KCTD6: variants seen among roughly 807,000 people sequenced by gnomAD.
The protein encoded by KCTD6 is potassium channel tetramerization domain containing 6, also known as BTB/POZ domain-containing protein KCTD6.
A neutral mutation model predicts 18.7 loss-of-function variants in KCTD6; 6 were observed. That is an observed-to-expected ratio of 0.32 (90% CI 0.18 to 0.63). The LOEUF (loss-of-function observed/expected upper bound fraction) is 0.63, where lower values mean the gene tolerates loss of function less well. Ranked by LOEUF, KCTD6 falls within the 30% of genes least tolerant of loss-of-function variation. The probability of loss-of-function intolerance (pLI) is 0.79; values close to 1 mark genes in which losing one functional copy is unlikely to be tolerated. For synonymous variants in KCTD6, 86 were observed against 108.5 expected (o/e 0.79, Z 1.29); for missense variants, 165 against 300.2 (o/e 0.55, Z 3.33).
At position 58,501,386 on chromosome 3, in the gene KCTD6, C is replaced by T; in HGVS notation, c.468C>T (p.Ile156=). ...TTKVHSLLEG[I]SNYFTKWNKH... is the part of the protein sequence containing the mutation. The stretch of plus-strand genomic sequence containing the variant: ...AGGTCCATTCCTTACTAGAAGGCAT[C>T]TCAAATTATTTTACCAAGTGGAATA... Residue 156 remains isoleucine, a synonymous_variant, in exon 3 of 3, where the codon ATC becomes ATT. Coordinates refer to ENST00000404589, the MANE Select transcript of KCTD6 (RefSeq NM_001128214.2). The surrounding 1 kb of genome is among the most constrained non-coding windows in gnomAD (Gnocchi z 9.7). The T allele has an allele frequency of 1.3e-6, 2 of 1,582,838 alleles. No individual in the cohort carries two copies. The highest frequency in any genetic ancestry group is 1.7e-6 in the Non-Finnish European group (2 of 1,167,542).
chr3:58,501,407 G>T lies in KCTD6; in HGVS notation c.489G>T (p.Trp163Cys). 1 of 1,576,238 alleles carries T rather than the reference G, an allele frequency of 6.3e-7. No individual in the cohort carries two copies. Among genetic ancestry groups the T allele is most frequent in the Non-Finnish European group, 8.6e-7 (1 of 1,164,354 alleles). Residue 163 changes from tryptophan (W) to cysteine (C), a missense_variant, in exon 3 of 3, where the codon TGG (tryptophan) becomes TGT (cysteine). By Grantham distance (215) the Trp-to-Cys change is radical. Coordinates refer to ENST00000404589, the MANE Select transcript of KCTD6 (RefSeq NM_001128214.2). The surrounding 1 kb of genome is among the most constrained non-coding windows in gnomAD (Gnocchi z 9.7). ...LEGISNYFTK[W>C]NKHMMDTRDC... ...GCATCTCAAATTATTTTACCAAGTG[G>T]AATAAGCACATGATGGACACCAGAG...
chr3:58,492,563 TG>T lies in KCTD6; in HGVS notation c.-44+395del, dbSNP rs1349937195. ...GGCCCGGACGGAGATATTTGGGGTG[TG>T]CTCGAAAATGATTGTTTTTGGGAGA... On this transcript the variant is annotated intron_variant, in intron 1 of 2. Transcript: ENST00000404589. This position sits in a 1 kb window ranked among gnomAD's most constrained non-coding sequence, Gnocchi z 6.1. Among the ~76,000 whole-genome samples the T allele has an allele frequency of 6.6e-6, 1 of 152,030 alleles. No individual in the cohort carries two copies. Among genetic ancestry groups the T allele is most frequent in the Non-Finnish European group, 1.5e-5 (1 of 67,948 alleles).
Position 58,498,845 on chromosome 3 carries a change from C to T in KCTD6, c.27+63C>T. The T allele has an allele frequency of 7.3e-7, 1 of 1,370,200 alleles. No homozygotes were observed. The highest frequency in any genetic ancestry group is 1.0e-6 in the Non-Finnish European group (1 of 976,190). 84.9% of individuals were successfully genotyped at this position (1,370,200 alleles called of 1,614,324 possible). A position where few individuals can be genotyped will look rare whatever the true frequency, so the allele number is the denominator to read the frequency against. On this transcript the variant is annotated intron_variant, in intron 2 of 2. Transcript: ENST00000404589. The surrounding 1 kb of genome is among the most constrained non-coding windows in gnomAD (Gnocchi z 4.6). ...AATTATTTTTGTGTGTCTTTTTATCCTTATGTATTTTTAGGTATATCTTAT... is the reference window on the plus strand; with the variant it reads ...AATTATTTTTGTGTGTCTTTTTATCTTTATGTATTTTTAGGTATATCTTAT...
rs1432342767 is a variant in KCTD6 at position 58,492,571 on chromosome 3, A to C, written c.-44+402A>C. On this transcript the variant is annotated intron_variant, in intron 1 of 2. Coordinates refer to ENST00000404589, the MANE Select transcript of KCTD6 (RefSeq NM_001128214.2). The surrounding 1 kb of genome is among the most constrained non-coding windows in gnomAD (Gnocchi z 6.1). ...CGGAGATATTTGGGGTGTGCTCGAAAATGATTGTTTTTGGGAGATGGCGCT... is the reference window on the plus strand; with the variant it reads ...CGGAGATATTTGGGGTGTGCTCGAACATGATTGTTTTTGGGAGATGGCGCT... Among the ~76,000 whole-genome samples, 1 of 151,990 alleles carries C rather than the reference A, an allele frequency of 6.6e-6. No homozygotes were observed. The highest frequency in any genetic ancestry group is 1.5e-5 in the Non-Finnish European group (1 of 67,962).
In KCTD6 at chr3:58,501,688, A is replaced by AT. The variant is rs916007303; in HGVS notation, c.*67dup. On this transcript the variant is annotated 3_prime_UTR_variant, in exon 3 of 3. Transcript: ENST00000404589. This position sits in a 1 kb window ranked among gnomAD's most constrained non-coding sequence, Gnocchi z 9.7. ...ACTCTCCAGGAAATGGAAGATACTG[A>AT]TTTTTTTTTTTAAATCACAGTGTGA... is the stretch of plus-strand genomic sequence containing the variant. The AT allele has an allele frequency of 6.9e-3, 6,929 of 999,308 alleles. No individual in the cohort carries two copies. The highest frequency in any genetic ancestry group is 7.9e-3 in the Non-Finnish European group (6,132 of 773,554). The allele number at this position is 999,308 out of a possible 1,614,324, so 61.9% of individuals were successfully genotyped here.
At chr3:58,494,486 A>C (rs576185267) in intron 1 of KCTD6, 2 of 152,340 alleles carry the variant, frequency 1.3e-5, no homozygotes, top group East Asian at 3.9e-4. Flanking sequence ...AGCATTTTTA[A>C]AGGGCTGCCT....
rs2063179714 is a variant in KCTD6 at position 58,497,467 on chromosome 3, T to C, written c.-43-1246T>C. 6.6e-6 allele frequency among the ~76,000 whole-genome samples: 1 copy of C among 152,244 alleles called. No individual in the cohort carries two copies. The highest frequency in any genetic ancestry group is 2.4e-5 in the African/African-American group (1 of 41,470). On this transcript the variant is annotated intron_variant, in intron 1 of 2. Coordinates refer to ENST00000404589, the MANE Select transcript of KCTD6 (RefSeq NM_001128214.2). This position sits in a 1 kb window ranked among gnomAD's most constrained non-coding sequence, Gnocchi z 4.2. ...ATAAGTCCATGTTTCTTACCATGTC[T>C]TGCCAGAGCTTTAGAAATTTGCTCT...
intron 1 of KCTD6, chr3:58,494,255 C>T (rs1161534499): frequency 6.6e-6 from 1 of 152,170 alleles, no homozygotes; most frequent in Non-Finnish European, 1.5e-5. Context: ...ATCACATTAT[C>T]CTTGTATGCC....
Position 58,501,642 on chromosome 3 carries a change from C to G in KCTD6, c.*10C>G. 1 of 1,315,270 alleles carries G rather than the reference C, an allele frequency of 7.6e-7. No homozygotes were observed. 81.5% of individuals were successfully genotyped at this position (1,315,270 alleles called of 1,614,324 possible). ...GAAGACAGACGACTGATCTCCGACC[C>G]TGCCACAGGTTCCTGGAAAGACTCT... On this transcript the variant is annotated 3_prime_UTR_variant, in exon 3 of 3. Coordinates refer to ENST00000404589, the MANE Select transcript of KCTD6 (RefSeq NM_001128214.2). The surrounding 1 kb of genome is among the most constrained non-coding windows in gnomAD (Gnocchi z 9.7).
intron 1 of KCTD6, among the ~76,000 whole-genome samples, chr3:58,495,499 AT>A (rs2063171557): frequency 1.1e-5 from 1 of 94,702 alleles, no homozygotes; most frequent in Non-Finnish European, 2.2e-5. Flanking sequence ...ATAACAGGGA[AT>A]TTTTCATGCT....
rs903755309 is a variant in KCTD6, at chr3:58,493,158, A to G, written c.-44+989A>G. Among the ~76,000 whole-genome samples the G allele has an allele frequency of 6.6e-6, 1 of 152,220 alleles. No homozygotes were observed. Among genetic ancestry groups the G allele is most frequent in the African/African-American group, 2.4e-5 (1 of 41,452 alleles). On this transcript the variant is annotated intron_variant, in intron 1 of 2. Coordinates refer to ENST00000404589, the MANE Select transcript of KCTD6 (RefSeq NM_001128214.2). The surrounding 1 kb of genome is among the most constrained non-coding windows in gnomAD (Gnocchi z 4.5). ...CTGAGCCCAAGATTGAGATGTTTTC[A>G]AATGAACGAATATGTAGCTAGGAAA...
At position 58,493,934 on chromosome 3, in the gene KCTD6, A is replaced by G. The variant is rs917806241; in HGVS notation, c.-44+1765A>G. The G allele has an allele frequency of 3.3e-5, 5 of 152,142 alleles. No homozygotes were observed. The highest frequency in any genetic ancestry group is 9.7e-5 in the African/African-American group (4 of 41,428). 9.4% of individuals were successfully genotyped at this position (152,142 alleles called of 1,614,324 possible). A position where few individuals can be genotyped will look rare whatever the true frequency, so the allele number is the denominator to read the frequency against. On this transcript the variant is annotated intron_variant, in intron 1 of 2. Transcript: ENST00000404589. The surrounding 1 kb of genome is among the most constrained non-coding windows in gnomAD (Gnocchi z 4.5). ...ATTCAACTACAGGACCTCCCTGGGA[A>G]CCTGTTCTCTTTCCTTGTCCTGATG...
intron 1 of KCTD6, among the ~76,000 whole-genome samples, chr3:58,495,502 T>C (rs1203822242): frequency 1.4e-5 from 1 of 73,900 alleles, no homozygotes; most frequent in African/African-American, 4.7e-5. Flanking sequence ...ACAGGGAATT[T>C]TTCATGCTTT....
chr3:58,501,546 G>A lies in KCTD6; in HGVS notation c.628G>A (p.Val210Met). 1 of 1,485,168 alleles carries A rather than the reference G, an allele frequency of 6.7e-7. No homozygotes were observed. The highest frequency in any genetic ancestry group is 8.9e-7 in the Non-Finnish European group (1 of 1,119,920). 92.0% of individuals were successfully genotyped at this position (1,485,168 alleles called of 1,614,324 possible). Residue 210 changes from valine (V) to methionine (M), a missense_variant, in exon 3 of 3, where the codon GTG becomes ATG. Val to Met is a conservative substitution (Grantham distance 21). This residue lies in a region of KCTD6 where 106 missense variants were observed against 230.4 expected (regional missense o/e 0.46). Transcript: ENST00000404589. The surrounding 1 kb of genome is among the most constrained non-coding windows in gnomAD (Gnocchi z 9.7). The part of the protein sequence containing the change: ...KQGFTIRNTR[V>M]HHMSERANEN... ...AGGTTTCACGATCCGCAACACCCGG[G>A]TGCATCACATGAGTGAGCGGGCCAA...
At chr3:58,499,398 G>T (rs1300497834) in intron 2 of KCTD6, among the ~76,000 whole-genome samples, 1 of 151,964 alleles carries the variant, frequency 6.6e-6, no homozygotes, top group African/African-American at 2.4e-5. Flanking sequence ...TTGTGGTTTG[G>T]GAGATTAATG....
chr3:58,494,515 G>A (rs959629954), intron 1 of KCTD6: 1 of 152,208 alleles, frequency 6.6e-6, no homozygotes, highest in Non-Finnish European at 1.5e-5. Context: ...TGGGAAGTCA[G>A]TAGTTGGAGT....
rs539941124 is a variant in KCTD6 at position 58,492,333 on chromosome 3, G to T, written c.-44+164G>T. Among the ~76,000 whole-genome samples the T allele has an allele frequency of 6.5e-4, 97 of 150,032 alleles. 1 individual carries two copies. Among genetic ancestry groups the T allele is most frequent in the Middle Eastern group, 6.8e-3 (2 of 292 alleles). On this transcript the variant is annotated intron_variant, in intron 1 of 2. Transcript: ENST00000404589. This position sits in a 1 kb window ranked among gnomAD's most constrained non-coding sequence, Gnocchi z 6.1. ...CCGCGTTGAGGGGACCGCGCGTCCC[G>T]GGCTGGCACGAGCCAGCAGCGGAGG...
Position 58,492,797 on chromosome 3 carries a change from GGGCT to G in KCTD6, c.-44+630_-44+633del, listed in dbSNP as rs1334322155. 6.6e-6 allele frequency among the ~76,000 whole-genome samples: 1 copy of G among 152,150 alleles called. No homozygotes were observed. Among genetic ancestry groups the G allele is most frequent in the Admixed American group, 6.5e-5 (1 of 15,280 alleles). ...ATGGGGAGCCCTGGCAGCACCTGCT[GGGCT>G]GACAGTGGTGGAGGCTGTGTCTGGG... On this transcript the variant is annotated intron_variant, in intron 1 of 2. Coordinates refer to ENST00000404589, the MANE Select transcript of KCTD6 (RefSeq NM_001128214.2). The surrounding 1 kb of genome is among the most constrained non-coding windows in gnomAD (Gnocchi z 6.1).
At chr3:58,494,798 TTCC>T (rs1367103083) in intron 1 of KCTD6, among the ~76,000 whole-genome samples, 2 of 152,236 alleles carry the variant, frequency 1.3e-5, no homozygotes, top group Admixed American at 1.3e-4. Flanking sequence ...AAATTAATAC[TTCC>T]TTTTAAGGTT....
Sources: allele counts gnomAD v4.1 joint callset (sites outside exome capture counted in the v4.1 genomes callset), GRCh38; gene constraint gnomAD v4.1.1; regional missense constraint gnomAD v4.1.1; non-coding constraint Gnocchi (gnomAD v3.1); transcripts MANE v1.5; gene names NCBI Gene and HGNC (gene_info 2026-07-23, HGNC 2026-07-21).